HPSE2: variants seen among roughly 807,000 people sequenced by gnomAD.
The protein encoded by HPSE2 is inactive heparanase-2.
A neutral mutation model predicts 60.5 loss-of-function variants in HPSE2; 38 were observed. The ratio of observed to expected loss-of-function variants is 0.63; its 90% CI spans 0.48 to 0.82. The LOEUF is 0.82. HPSE2 is among the 40% of genes least tolerant of loss of function. HPSE2 has a pLI of 0.00. For synonymous variants in HPSE2, 295 were observed against 293.2 expected (o/e 1.01, Z -0.06); for missense variants, 713 against 740.4 (o/e 0.96, Z 0.43).
intron 9 of HPSE2, among the ~76,000 whole-genome samples, chr10:98,584,370 C>A (rs951291638): frequency 6.6e-6 from 1 of 152,124 alleles, no homozygotes; most frequent in Non-Finnish European, 1.5e-5. Context: ...AAAACTATAG[C>A]CACACCTCTT....
At chr10:99,059,034 C>T (rs190644302) in intron 3 of HPSE2, among the ~76,000 whole-genome samples, 9 of 152,282 alleles carry the variant, frequency 5.9e-5, no homozygotes, top group African/African-American at 1.7e-4. Flanking sequence ...TTTATGAATA[C>T]TGAAATTTGG....
upstream of HPSE2, chr10:99,235,931 C>A: frequency 1.4e-6 from 1 of 726,002 alleles, no homozygotes; most frequent in South Asian, 1.5e-5. Context: ...CCCCCCAACA[C>A]ACACACACTC....
At chr10:98,775,107 A>G (rs1373625886) in intron 3 of HPSE2, among the ~76,000 whole-genome samples, 2 of 152,232 alleles carry the variant, frequency 1.3e-5, no homozygotes, top group Non-Finnish European at 2.9e-5. Flanking sequence ...CACAAATTTG[A>G]TAAAGCCAAA....
chr10:99,086,776 T>C (rs1320009176), intron 3 of HPSE2, among the ~76,000 whole-genome samples: 7 of 152,216 alleles, frequency 4.6e-5, no homozygotes, highest in African/African-American at 1.7e-4. Flanking sequence ...GTTTTCCCAT[T>C]TTGAAGACTA....
intron 3 of HPSE2, among the ~76,000 whole-genome samples, chr10:98,845,027 T>C (rs116476306): frequency 5.3e-5 from 8 of 152,336 alleles, no homozygotes; most frequent in African/African-American, 1.7e-4. Context: ...GCTGAAGACA[T>C]TGCCAAATGT....
intron 3 of HPSE2, among the ~76,000 whole-genome samples, chr10:98,790,695 T>C (rs1442730779): frequency 6.6e-5 from 10 of 152,242 alleles, no homozygotes; most frequent in Admixed American, 6.5e-4. Context: ...CTTTACTGAA[T>C]ATTTCTACAA....
intron 9 of HPSE2, among the ~76,000 whole-genome samples, chr10:98,501,627 T>C (rs865840688): frequency 2.6e-5 from 4 of 152,178 alleles, no homozygotes; most frequent in African/African-American, 9.7e-5. Context: ...GCATTCCCTC[T>C]GAGAACTGGA....
At chr10:98,568,513 G>A (rs1944408762) in intron 9 of HPSE2, among the ~76,000 whole-genome samples, 1 of 152,208 alleles carries the variant, frequency 6.6e-6, no homozygotes, top group Admixed American at 6.5e-5. Flanking sequence ...CCAAGCCCCA[G>A]AAGTCTGTGG....
chr10:98,641,003 A>G (rs1946623355), intron 7 of HPSE2, among the ~76,000 whole-genome samples: 1 of 152,214 alleles, frequency 6.6e-6, no homozygotes, highest in Admixed American at 6.5e-5. Context: ...ATCACTGACC[A>G]AAGGTGTGCT....
intron 3 of HPSE2, among the ~76,000 whole-genome samples, chr10:98,879,255 A>C (rs1353769115): frequency 6.6e-6 from 1 of 151,994 alleles, no homozygotes; most frequent in Non-Finnish European, 1.5e-5. Context: ...TGGTACATGT[A>C]AGTATACTAT....
chr10:98,999,984 T>C (rs892788668), intron 3 of HPSE2, among the ~76,000 whole-genome samples: 7 of 152,146 alleles, frequency 4.6e-5, no homozygotes, highest in Admixed American at 1.3e-4. Context: ...GTCTGAGGTG[T>C]TTGTTTTAGC....
At chr10:99,311,533 T>C in the HPSE2 span, among the ~76,000 whole-genome samples, 2 of 152,208 alleles carry the variant, frequency 1.3e-5, no homozygotes. Context: ...GCCATGCCTA[T>C]GTAAGATGAC....
chr10:98,988,655 T>G (rs1956438228), intron 3 of HPSE2, among the ~76,000 whole-genome samples: 3 of 143,380 alleles, frequency 2.1e-5, no homozygotes, highest in South Asian at 2.4e-4. Flanking sequence ...GGGATCTAAT[T>G]AAACTCAAGA....
intron 3 of HPSE2, among the ~76,000 whole-genome samples, chr10:98,900,163 C>T (rs773180221): frequency 6.6e-6 from 1 of 152,070 alleles, no homozygotes; most frequent in Non-Finnish European, 1.5e-5. Context: ...CTTTAACAAT[C>T]AAAAGCTAGA....
chr10:98,720,224 G>A (rs915005491), intron 5 of HPSE2, among the ~76,000 whole-genome samples: 7 of 152,096 alleles, frequency 4.6e-5, no homozygotes, highest in Admixed American at 1.3e-4. Flanking sequence ...CAAAGGAAAA[G>A]ACTGATCTAA....
At chr10:98,781,746 A>T (rs1950475267) in intron 3 of HPSE2, among the ~76,000 whole-genome samples, 1 of 150,808 alleles carries the variant, frequency 6.6e-6, no homozygotes, top group Non-Finnish European at 1.5e-5. Context: ...GCTGGTGGGA[A>T]TGTAACCCAG....
At chr10:98,872,215 A>C (rs1227663757) in intron 3 of HPSE2, among the ~76,000 whole-genome samples, 1 of 152,058 alleles carries the variant, frequency 6.6e-6, no homozygotes, top group Non-Finnish European at 1.5e-5. Context: ...GAAATGGAAT[A>C]TAATCAAATT....
At chr10:98,690,238 T>C (rs1026920183) in intron 6 of HPSE2, among the ~76,000 whole-genome samples, 1 of 152,208 alleles carries the variant, frequency 6.6e-6, no homozygotes, top group Non-Finnish European at 1.5e-5. Context: ...GATGCATGAA[T>C]TGTTAAATAA....
intron 10 of HPSE2, among the ~76,000 whole-genome samples, chr10:98,488,936 T>A (rs1485062754): frequency 6.6e-6 from 1 of 152,154 alleles, no homozygotes; most frequent in Non-Finnish European, 1.5e-5. Context: ...TCAGAGTGAT[T>A]CTTTGAAAAG....
Sources: gnomAD v4.1 joint callset for allele counts (sites outside exome capture counted in the v4.1 genomes callset) on GRCh38, gnomAD v4.1.1 for gene constraint, MANE v1.5 for transcripts, NCBI Gene and HGNC (gene_info 2026-07-23, HGNC 2026-07-21) for gene names.